CACNA1C: variants seen among roughly 807,000 people sequenced by gnomAD.
CACNA1C encodes the protein voltage-dependent L-type calcium channel subunit alpha-1C.
Under a neutral mutation model 229.0 loss-of-function variants are expected in CACNA1C, and 30 were observed. The observed-to-expected ratio is 0.13, with a 90% CI of 0.10 to 0.18. CACNA1C has a LOEUF of 0.18. CACNA1C is among the 10% of genes least tolerant of loss of function. The pLI, the probability that CACNA1C is intolerant of heterozygous loss-of-function variation, is 1.00. For missense variants in CACNA1C, 1,658 were observed against 2,845.0 expected (o/e 0.58, Z 9.49); for synonymous variants, 1,114 against 1,132.5 (o/e 0.98, Z 0.33).
At chr12:2,109,232 C>T (rs1386930787) in intron 1 of CACNA1C, among the ~76,000 whole-genome samples, 1 of 152,068 alleles carries the variant, frequency 6.6e-6, no homozygotes, top group Non-Finnish European at 1.5e-5. Context: ...ATTGGGGGGT[C>T]CCTTTCCAAT....
rs947606916 is a variant in CACNA1C at position 2,551,546 on chromosome 12, C to G, written c.1481+1513C>G. ...TTCCCCATCTCCCTACCTCCCACCC[C>G]GCCCCAGACAATGATGAGCCAAGAC... is the stretch of plus-strand genomic sequence containing the variant. On this transcript the variant is annotated intron_variant, in intron 10 of 46. Coordinates refer to ENST00000399655, the MANE Select transcript of CACNA1C (RefSeq NM_000719.7). Among the ~76,000 whole-genome samples, 5 of 152,204 alleles carry G rather than the reference C, an allele frequency of 3.3e-5. No individual in the cohort carries two copies. In the East Asian group the frequency reaches 9.6e-4, roughly 29 times the overall value.
At chr12:2,107,145 C>T (rs1314040693) in intron 1 of CACNA1C, among the ~76,000 whole-genome samples, 19 of 147,546 alleles carry the variant, frequency 1.3e-4, no homozygotes, top group African/African-American at 3.8e-4. Context: ...GGGTTTCCAC[C>T]TCAGCTGGGG....
intron 3 of CACNA1C, among the ~76,000 whole-genome samples, chr12:2,180,181 G>A (rs994565011): frequency 6.6e-6 from 1 of 152,194 alleles, no homozygotes; most frequent in Non-Finnish European, 1.5e-5. Flanking sequence ...GAGTAAACAC[G>A]CATGCAAGTA....
At chr12:2,423,410 A>G (rs1232878125) in intron 3 of CACNA1C, among the ~76,000 whole-genome samples, 1 of 152,156 alleles carries the variant, frequency 6.6e-6, no homozygotes, top group Non-Finnish European at 1.5e-5. Flanking sequence ...CTCTCACAAT[A>G]TGTGTGGTTT....
chr12:2,277,751 C>T (rs1456990751), intron 3 of CACNA1C, among the ~76,000 whole-genome samples: 1 of 152,198 alleles, frequency 6.6e-6, no homozygotes, highest in Non-Finnish European at 1.5e-5. Flanking sequence ...GGAGATGGCT[C>T]CTGTCCTCCC....
At position 2,691,116 on chromosome 12, in the gene CACNA1C, G is replaced by C. The variant is rs1279028766; in HGVS notation, c.6334G>C (p.Glu2112Gln). ...DAGQDRAGGE[E>Q]DAGCVRARGR... ...GGGGCAGGACCGAGCCGGGGGCGAA[G>C]AGGACGCGGGCTGTGTGCGCGCGCG... The change falls in exon 47 of 47, where the codon GAG (glutamate) becomes CAG (glutamine). Residue 2112 changes from glutamate (E) to glutamine (Q), a missense_variant. Physicochemically the swap from Glu to Gln is conservative, Grantham distance 29. This residue lies in a region of CACNA1C where 590 missense variants were observed against 700.8 expected (regional missense o/e 0.84). Coordinates refer to ENST00000399655, the MANE Select transcript of CACNA1C (RefSeq NM_000719.7). 6.2e-7 allele frequency: 1 copy of C among 1,611,846 alleles called. No homozygotes were observed. The highest frequency in any genetic ancestry group is 1.7e-5 in the Admixed American group (1 of 59,930).
Position 2,566,049 on chromosome 12 carries a change from T to C in CACNA1C, c.1509-373T>C, listed in dbSNP as rs189051649. Reference sequence around the variant, plus strand: ...TGGGCCCCTCCTCCACTGTTACTAATAATGCTCTTATTGCTTACAACACTA... The same window carrying C: ...TGGGCCCCTCCTCCACTGTTACTAACAATGCTCTTATTGCTTACAACACTA... On this transcript the variant is annotated intron_variant, in intron 11 of 46. Transcript: ENST00000399655. The surrounding 1 kb of genome is among the most constrained non-coding windows in gnomAD (Gnocchi z 4.0). Among the ~76,000 whole-genome samples, 9 of 152,310 alleles carry C rather than the reference T, an allele frequency of 5.9e-5. No individual in the cohort carries two copies. Among genetic ancestry groups the C allele is most frequent in the Non-Finnish European group, 1.2e-4 (8 of 68,026 alleles).
At chr12:2,419,118 G>A (rs557801769) in intron 3 of CACNA1C, among the ~76,000 whole-genome samples, 25 of 152,348 alleles carry the variant, frequency 1.6e-4, no homozygotes, top group Non-Finnish European at 2.6e-4. Flanking sequence ...GCCTGTATTA[G>A]GCCATTGTTG....
intron 3 of CACNA1C, among the ~76,000 whole-genome samples, chr12:2,440,096 A>G (rs567919301): frequency 4.7e-4 from 72 of 152,328 alleles, no homozygotes; most frequent in African/African-American, 1.7e-3. Flanking sequence ...TTTAAGATCC[A>G]AAAGAATGCT....
intron 4 of CACNA1C, among the ~76,000 whole-genome samples, chr12:2,453,410 A>T (rs1416563615): frequency 1.3e-5 from 2 of 151,824 alleles, no homozygotes; most frequent in Non-Finnish European, 2.9e-5. Context: ...ATGGAGACCC[A>T]CTCCTAATAC....
intron 3 of CACNA1C, among the ~76,000 whole-genome samples, chr12:2,358,251 CTGTGTGTGTGTGTG>C (rs57191390): frequency 0.012 from 1,688 of 136,068 alleles, 17 homozygotes; most frequent in African/African-American, 0.02. Flanking sequence ...CGGCGTCCTC[CTGTGTGTGTGTGTG>C]TGTGTGTGTG....
intron 45 of CACNA1C, 147 bp from the exon 46 acceptor site, chr12:2,688,300 G>A (rs983461634): frequency 1.4e-5 from 10 of 698,518 alleles, no homozygotes; most frequent in African/African-American, 1.2e-4. Context: ...AGATAGGACC[G>A]ACAGGGGAAA....
intron 30 of CACNA1C, among the ~76,000 whole-genome samples, chr12:2,637,742 C>T (rs1387798121): frequency 6.6e-6 from 1 of 152,238 alleles, no homozygotes; most frequent in East Asian, 1.9e-4. Flanking sequence ...TCCGGGCCTT[C>T]CCAGGTATTT....
At chr12:2,039,837 C>T (rs2049774627) in intron 1 of CACNA1C, among the ~76,000 whole-genome samples, 3 of 147,504 alleles carry the variant, frequency 2.0e-5, no homozygotes, top group Admixed American at 2.0e-4. Flanking sequence ...CATCCCTGTG[C>T]CTGAGCTGGG....
rs140661841 is a variant in CACNA1C, at chr12:2,501,672, A to G, written c.1114-3170A>G. ...TTCTCTCCCTAATCTCATGTCACCA[A>G]TCCCACCCATCCTGTATTGGCTCGG... is the stretch of plus-strand genomic sequence containing the variant. On this transcript the variant is annotated intron_variant, in intron 7 of 46. Transcript: ENST00000399655. 4.5e-3 allele frequency among the ~76,000 whole-genome samples: 688 copies of G among 152,256 alleles called. 7 individuals are homozygous for G. Among genetic ancestry groups the G allele is most frequent in the African/African-American group, 0.015 (606 of 41,546 alleles).
intron 3 of CACNA1C, among the ~76,000 whole-genome samples, chr12:2,154,375 C>T (rs1425764356): frequency 6.6e-6 from 1 of 152,234 alleles, no homozygotes. Flanking sequence ...CTCCAATGCA[C>T]AGAGCTGCTT....
chr12:2,315,934 C>T (rs1050837913), intron 3 of CACNA1C, among the ~76,000 whole-genome samples: 1 of 152,162 alleles, frequency 6.6e-6, no homozygotes, highest in Non-Finnish European at 1.5e-5. Flanking sequence ...ATGTTCTCAT[C>T]GGGCAAGAGA....
intron 3 of CACNA1C, among the ~76,000 whole-genome samples, chr12:2,443,025 C>G (rs10774047): frequency 0.068 from 10,370 of 152,150 alleles, 413 homozygotes; most frequent in South Asian, 0.11. Context: ...CCTCATGTTG[C>G]AAAATACAAT....
intron 3 of CACNA1C, among the ~76,000 whole-genome samples, chr12:2,121,666 G>A (rs889053813): frequency 1.9e-4 from 29 of 152,188 alleles, no homozygotes; most frequent in Non-Finnish European, 2.9e-4. Context: ...GAGGCCATCC[G>A]AAGCGTGACC....
Sources: allele counts gnomAD v4.1 joint callset (sites outside exome capture counted in the v4.1 genomes callset), GRCh38; gene constraint gnomAD v4.1.1; regional missense constraint gnomAD v4.1.1; non-coding constraint Gnocchi (gnomAD v3.1); transcripts MANE v1.5; gene names NCBI Gene and HGNC (gene_info 2026-07-23, HGNC 2026-07-21).